Variants in FAT3 observed in about 807,000 individuals in gnomAD.
FAT3 encodes protocadherin Fat 3.
In FAT3, 95 loss-of-function variants were observed where a neutral mutation model predicts 310.2. That is an observed-to-expected ratio of 0.31 (90% CI 0.26 to 0.36). FAT3 has a LOEUF of 0.36. FAT3 is among the 10% of genes least tolerant of loss of function. The pLI is 1.00. For missense variants in FAT3, 5,408 were observed against 5,715.6 expected, an observed-to-expected ratio of 0.95 and a Z score of 1.74; for synonymous variants, 2,314 against 2,192.9, an observed-to-expected ratio of 1.06 and a Z score of -1.54.
chr11:92,727,942 C>T (rs536310881), intron 4 of FAT3, among the ~76,000 whole-genome samples: 1 of 152,300 alleles, frequency 6.6e-6, no homozygotes, highest in South Asian at 2.1e-4. Context: ...TTCTTTGTTG[C>T]TGGCTGTTCT....
At chr11:92,373,558 T>A (rs1189963512) in intron 2 of FAT3, among the ~76,000 whole-genome samples, 1 of 152,180 alleles carries the variant, frequency 6.6e-6, no homozygotes, top group Non-Finnish European at 1.5e-5. Context: ...GGAATATCTG[T>A]AATATTCATG....
At chr11:92,743,794 A>G (rs984882737) in intron 4 of FAT3, among the ~76,000 whole-genome samples, 2 of 152,240 alleles carry the variant, frequency 1.3e-5, no homozygotes, top group Non-Finnish European at 2.9e-5. Context: ...GGGTTAATAG[A>G]TTAATGGGTT....
intron 3 of FAT3, among the ~76,000 whole-genome samples, chr11:92,641,552 C>G (rs1297384025): frequency 1.3e-5 from 2 of 152,176 alleles, no homozygotes; most frequent in African/African-American, 4.8e-5. Context: ...CTGCGTCACT[C>G]CAATCTCGGC....
chr11:92,729,536 C>T (rs1188014607), intron 4 of FAT3, among the ~76,000 whole-genome samples: 7 of 151,294 alleles, frequency 4.6e-5, no homozygotes, highest in East Asian at 2.0e-4. Context: ...AAGCAATTCT[C>T]CTGCCTCAGC....
chr11:92,629,411 C>CTTTTTTTTTTTTTTTTTTTT (rs34017336), intron 3 of FAT3, among the ~76,000 whole-genome samples: 2 of 126,056 alleles, frequency 1.6e-5, no homozygotes, highest in African/African-American at 3.2e-5. Context: ...CTTCCCCTAC[C>CTTTTTTTTTTTTTTTTTTTT]TTTTTTTTTT....
At chr11:92,241,069 T>A (rs1178356592) in intron 1 of FAT3, among the ~76,000 whole-genome samples, 3 of 152,092 alleles carry the variant, frequency 2.0e-5, no homozygotes, top group Admixed American at 6.6e-5. Context: ...TTGTGACATC[T>A]CATTGCTATG....
intron 3 of FAT3, among the ~76,000 whole-genome samples, chr11:92,600,284 C>T (rs889908109): frequency 6.6e-6 from 1 of 152,186 alleles, no homozygotes; most frequent in East Asian, 1.9e-4. Context: ...GAGGCCCAGT[C>T]AGCCTTTCCT....
chr11:92,459,790 A>C (rs1951589251), intron 2 of FAT3, among the ~76,000 whole-genome samples: 1 of 152,092 alleles, frequency 6.6e-6, no homozygotes, highest in East Asian at 1.9e-4. Flanking sequence ...GCCAGTCATC[A>C]AACCCACATT....
chr11:92,673,193 G>T (rs574984139), intron 3 of FAT3, among the ~76,000 whole-genome samples: 1 of 152,218 alleles, frequency 6.6e-6, no homozygotes, highest in Admixed American at 6.5e-5. Context: ...ATTGAAATTA[G>T]GTTATTTCCT....
chr11:92,729,254 G>A (rs1190239151), intron 4 of FAT3, among the ~76,000 whole-genome samples: 3 of 152,090 alleles, frequency 2.0e-5, no homozygotes, highest in South Asian at 2.1e-4. Flanking sequence ...CAAACGCAGA[G>A]CACTCGATAA....
chr11:92,758,511 A>G (rs892032405), intron 4 of FAT3, among the ~76,000 whole-genome samples: 1 of 152,220 alleles, frequency 6.6e-6, no homozygotes, highest in Admixed American at 6.5e-5. Context: ...CAAGCTCACC[A>G]TGTAACTGAG....
intron 2 of FAT3, among the ~76,000 whole-genome samples, chr11:92,395,324 T>C (rs1949843919): frequency 6.6e-6 from 1 of 152,226 alleles, no homozygotes; most frequent in South Asian, 2.1e-4. Context: ...TAAGTATTTG[T>C]AGGAACAGTG....
rs143073073 is a variant in FAT3 at position 92,701,985 on chromosome 11, T to G, written c.3669+4540T>G. Among the ~76,000 whole-genome samples, 1,324 of 152,304 alleles carry G rather than the reference T, an allele frequency of 8.7e-3. 21 individuals are homozygous for G. The highest frequency in any genetic ancestry group is 0.03 in the African/African-American group (1,252 of 41,552). On this transcript the variant is annotated intron_variant, in intron 4 of 27. Transcript: ENST00000525166. The stretch of plus-strand genomic sequence containing the variant: ...ATCAAGACAGTGAATTAAGGTAGTG[T>G]GGGAAAGCTCAGATGTTAAATTCAG...
chr11:92,232,590 C>T (rs1250494832), intron 1 of FAT3, among the ~76,000 whole-genome samples: 1 of 144,890 alleles, frequency 6.9e-6, no homozygotes, highest in Non-Finnish European at 1.5e-5. Flanking sequence ...TGGAACTTGA[C>T]CATTTGTCAT....
At chr11:92,765,740 A>G (rs549096679) in intron 6 of FAT3, among the ~76,000 whole-genome samples, 1 of 150,540 alleles carries the variant, frequency 6.6e-6, no homozygotes, top group Non-Finnish European at 1.5e-5. Flanking sequence ...CATTACTCGT[A>G]TCCAATGACT....
chr11:92,799,188 G>A lies in FAT3; in HGVS notation c.6175G>A (p.Glu2059Lys), dbSNP rs776981119. 57 of 1,613,848 alleles carry A rather than the reference G, an allele frequency of 3.5e-5. No homozygotes were observed. Among genetic ancestry groups the A allele is most frequent in the Non-Finnish European group, 4.6e-5 (54 of 1,179,886 alleles). The stretch of plus-strand genomic sequence containing the variant: ...TGAGCTGGTGGTAGAAGCCAGCCGT[G>A]AGCTGGACCATCTGCGTGTGGCCAG... Reference protein sequence around the residue: ...LYELVVEASRELDHLRVARVV... With the variant: ...LYELVVEASRKLDHLRVARVV... Residue 2059 changes from glutamate to lysine, a missense_variant, in exon 10 of 28, where the codon GAG becomes AAG. This residue lies in a region of FAT3 where 4,588 missense variants were observed against 4,809.8 expected (regional missense o/e 0.95). Coordinates refer to ENST00000525166, the MANE Select transcript of FAT3 (RefSeq NM_001367949.2).
At chr11:92,360,586 T>G (rs2134670969) in intron 2 of FAT3, among the ~76,000 whole-genome samples, 1 of 152,338 alleles carries the variant, frequency 6.6e-6, no homozygotes, top group Non-Finnish European at 1.5e-5. Flanking sequence ...CTATAAATAT[T>G]TTGGAAGGTA....
intron 22 of FAT3, among the ~76,000 whole-genome samples, 193 bp downstream of exon 22, chr11:92,867,402 G>T (rs1162749088): frequency 6.6e-6 from 1 of 152,202 alleles, no homozygotes; most frequent in Non-Finnish European, 1.5e-5. Context: ...GTCCAGTTTT[G>T]CCAATCGTTT....
intron 2 of FAT3, chr11:92,406,556 TCTC>T (rs1355166177): frequency 1.3e-5 from 2 of 152,160 alleles, no homozygotes; most frequent in Non-Finnish European, 2.9e-5. Flanking sequence ...ACCAAGGTGT[TCTC>T]CTCTCCCTGA....
Sources: allele counts gnomAD v4.1 joint callset (sites outside exome capture counted in the v4.1 genomes callset), GRCh38; gene constraint gnomAD v4.1.1; regional missense constraint gnomAD v4.1.1; transcripts MANE v1.5; gene names NCBI Gene and HGNC (gene_info 2026-07-23, HGNC 2026-07-21).